The following PLEKHG5 variants were observed in gnomAD, a reference collection of about 807,000 sequenced individuals.
The protein encoded by PLEKHG5 is pleckstrin homology domain-containing family G member 5.
Under a neutral mutation model 103.8 loss-of-function variants are expected in PLEKHG5, and 52 were observed. The ratio of observed to expected loss-of-function variants is 0.50; its 90% CI spans 0.40 to 0.63. The LOEUF (loss-of-function observed/expected upper bound fraction) is 0.63. Among genes scored for constraint, PLEKHG5 ranks in the 30% least tolerant of loss-of-function variants. PLEKHG5 has a pLI of 0.00. For synonymous variants in PLEKHG5, 592 were observed against 575.5 expected (o/e 1.03, Z -0.41); for missense variants, 1,205 against 1,347.6 (o/e 0.89, Z 1.66).
intron 1 of PLEKHG5, among the ~76,000 whole-genome samples, chr1:6,481,598 T>A (rs1225442158): frequency 6.7e-6 from 1 of 148,452 alleles, no homozygotes; most frequent in Non-Finnish European, 1.5e-5. Context: ...GCGCGGTGGC[T>A]CATGCCTGTA....
At chr1:6,474,379 C>T in intron 6 of PLEKHG5, 72 bp downstream of exon 6, 1 of 1,581,500 alleles carries the variant, frequency 6.3e-7, no homozygotes, top group South Asian at 1.1e-5. Context: ...GAACCTGAGC[C>T]TGGGAAGGGC....
chr1:6,495,848 G>A (rs534024546), upstream of PLEKHG5, among the ~76,000 whole-genome samples: 3 of 152,350 alleles, frequency 2.0e-5, no homozygotes, highest in Non-Finnish European at 2.9e-5. Flanking sequence ...CAGAGCTGCC[G>A]CAATCAGTGC....
Position 6,470,552 on chromosome 1 carries a change from A to G in PLEKHG5, c.1634T>C (p.Ile545Thr), listed in dbSNP as rs1644535866. 1 of 1,603,678 alleles carries G rather than the reference A, an allele frequency of 6.2e-7. No homozygotes were observed. Among genetic ancestry groups the G allele is most frequent in the African/African-American group, 1.3e-5 (1 of 74,740 alleles). ...GCTTTCCACCACCTCGTAGGCGTCG[A>G]TGCGGCTCACCACGGCCGCCAGCCG... ...RQRLAAVVSR[I>T]DAYEVVESSS... The change falls in exon 15 of 21, where the codon ATC (isoleucine) becomes ACC (threonine). Residue 545 changes from isoleucine to threonine, a missense_variant. Physicochemically the swap from Ile to Thr is moderately conservative, Grantham distance 89. Coordinates refer to ENST00000377728, the MANE Select transcript of PLEKHG5 (RefSeq NM_020631.6).
intron 1 of PLEKHG5, among the ~76,000 whole-genome samples, chr1:6,517,123 G>T (rs540031913): frequency 1.4e-5 from 2 of 139,170 alleles, no homozygotes; most frequent in East Asian, 2.0e-4. Context: ...GGTAGCTCAC[G>T]CCTGAGACCC....
chr1:6,517,262 G>A (rs1342315580), intron 1 of PLEKHG5, among the ~76,000 whole-genome samples: 6 of 147,234 alleles, frequency 4.1e-5, no homozygotes, highest in African/African-American at 1.0e-4. Context: ...AGCCGAGATC[G>A]CGCCACTGCA....
chr1:6,468,041 G>A lies in PLEKHG5; in HGVS notation c.2795C>T (p.Ala932Val). 1 of 1,559,316 alleles carries A rather than the reference G, an allele frequency of 6.4e-7. No homozygotes were observed. Among genetic ancestry groups the A allele is most frequent in the African/African-American group, 1.3e-5 (1 of 74,100 alleles). Residue 932 changes from alanine to valine, a missense_variant, in exon 20 of 21, where the codon GCC becomes GTC. By Grantham distance (64) the Ala-to-Val change is moderately conservative. Coordinates refer to ENST00000377728, the MANE Select transcript of PLEKHG5 (RefSeq NM_020631.6). ...CCCAGGACCGCTGCCAGGGCTAGGG[G>A]CCCCTCGGCAATCCCAGCTGGGCCC... Reference protein sequence around the residue: ...EAGPSWDCRGAPSPGSGPGLV... With the variant: ...EAGPSWDCRGVPSPGSGPGLV...
chr1:6,492,135 C>T (rs576413702), upstream of PLEKHG5, among the ~76,000 whole-genome samples: 37 of 152,292 alleles, frequency 2.4e-4, no homozygotes, highest in Admixed American at 7.8e-4. Context: ...CCCACCGCAG[C>T]GGGGGAGGCG....
At position 6,519,599 on chromosome 1, in the gene PLEKHG5, C is replaced by T. The variant is rs578017669; in HGVS notation, c.-319G>A. 1.8e-5 allele frequency: 18 copies of T among 986,376 alleles called. No homozygotes were observed. In the East Asian group the frequency reaches 2.1e-4, roughly 12 times the overall value. The allele number at this position is 986,376 out of a possible 1,614,324, so 61.1% of individuals were successfully genotyped here. Reference sequence around the variant, plus strand: ...CTCTCTAATCAGACACACAGGTCTCCGTCCTGCTTTGCCCAGTTGCCATCT... The same window carrying T: ...CTCTCTAATCAGACACACAGGTCTCTGTCCTGCTTTGCCCAGTTGCCATCT... On this transcript the variant is annotated 5_prime_UTR_variant, in exon 1 of 22. Transcript: ENST00000377740.
chr1:6,508,187 G>GGGT (rs376195213), intron 1 of PLEKHG5, among the ~76,000 whole-genome samples: 1 of 151,652 alleles, frequency 6.6e-6, no homozygotes, highest in African/African-American at 2.4e-5. Context: ...GTCACCTGGG[G>GGGT]CCCCACTCCC....
intron 1 of PLEKHG5, 65 bp from the exon 2 acceptor site, chr1:6,477,723 A>G: frequency 1.3e-6 from 2 of 1,547,800 alleles, no homozygotes; most frequent in Non-Finnish European, 8.6e-7. Context: ...ACCCCGGCCC[A>G]GCGCTGCAGG....
rs746581908 is a variant in PLEKHG5, at chr1:6,473,174, C to T, written c.796G>A (p.Glu266Lys). 2 of 1,613,810 alleles carry T rather than the reference C, an allele frequency of 1.2e-6. No homozygotes were observed. Among genetic ancestry groups the T allele is most frequent in the Non-Finnish European group, 8.5e-7 (1 of 1,180,000 alleles). ...TCCAGCTGCTCCATCTTGTCTACCT[C>T]CTGGAAAGATACCCTGGTCAGGGTC... ...SGPSTSAFGR[E>K]VDKMEQLEGK... is the part of the protein sequence containing the mutation. Residue 266 changes from glutamate to lysine, a missense_variant and splice_region_variant, in exon 9 of 21, where the codon GAG becomes AAG. Physicochemically the swap from Glu to Lys is moderately conservative, Grantham distance 56. Coordinates refer to ENST00000377728, the MANE Select transcript of PLEKHG5 (RefSeq NM_020631.6).
intron 1 of PLEKHG5, among the ~76,000 whole-genome samples, chr1:6,480,480 A>C (rs1260685055): frequency 6.7e-6 from 1 of 148,780 alleles, no homozygotes; most frequent in African/African-American, 2.5e-5. Context: ...GTGAGCCGAG[A>C]TCACACCACT....
intron 1 of PLEKHG5, among the ~76,000 whole-genome samples, chr1:6,508,921 G>A (rs74884944): frequency 0.029 from 4,440 of 152,326 alleles, 113 homozygotes; most frequent in East Asian, 0.071. Flanking sequence ...GAGCCCCAGA[G>A]CGGTACACAC....
Position 6,469,254 on chromosome 1 carries a change from T to C in PLEKHG5, c.2050-13A>G, listed in dbSNP as rs759767677. 2 of 1,613,972 alleles carry C rather than the reference T, an allele frequency of 1.2e-6. No individual in the cohort carries two copies. Among genetic ancestry groups the C allele is most frequent in the Non-Finnish European group, 1.7e-6 (2 of 1,180,002 alleles). The stretch of plus-strand genomic sequence containing the variant: ...GTTGCAGCTGGTTCTGCAGGCAAGG[T>C]TGGGGTACATGGGACAGAATGGGTT... On this transcript the variant is annotated splice_polypyrimidine_tract_variant and intron_variant, in intron 18 of 20. Coordinates refer to ENST00000377728, the MANE Select transcript of PLEKHG5 (RefSeq NM_020631.6).
At chr1:6,485,561 G>A (rs1645012556) in intron 1 of PLEKHG5, 2 of 1,034,300 alleles carry the variant, frequency 1.9e-6, no homozygotes, top group South Asian at 9.4e-5. Context: ...GGGAGGGCCG[G>A]GCCCGGAACA....
upstream of PLEKHG5, among the ~76,000 whole-genome samples, chr1:6,493,388 C>T (rs187362109): frequency 1.8e-4 from 28 of 152,326 alleles, no homozygotes; most frequent in Admixed American, 1.8e-3. Flanking sequence ...GAAGTCATCT[C>T]CTTCAAAACG....
chr1:6,516,541 C>T (rs187371076), intron 1 of PLEKHG5, among the ~76,000 whole-genome samples: 8 of 151,902 alleles, frequency 5.3e-5, no homozygotes, highest in Admixed American at 5.3e-4. Context: ...TCTGTAATCC[C>T]AGCTACTGGG....
chr1:6,495,650 T>C (rs957863239), upstream of PLEKHG5, among the ~76,000 whole-genome samples: 2 of 152,218 alleles, frequency 1.3e-5, no homozygotes, highest in Non-Finnish European at 2.9e-5. Context: ...CAGTGAGTCC[T>C]GGTGCCTGCG....
chr1:6,469,050 A>G lies in PLEKHG5; in HGVS notation c.2241T>C (p.Ser747=). 1 of 1,613,606 alleles carries G rather than the reference A, an allele frequency of 6.2e-7. No homozygotes were observed. The highest frequency in any genetic ancestry group is 8.5e-7 in the Non-Finnish European group (1 of 1,179,822). Residue 747 remains serine (S), a synonymous_variant, in exon 19 of 21, where the codon TCT becomes TCC. Coordinates refer to ENST00000377728, the MANE Select transcript of PLEKHG5 (RefSeq NM_020631.6). ...GTCATGAGCAGACGTACCAGTGCTG[A>G]GAGTCGGGGCTGCCGCTGCTTTTCC... ...IMRKSSGSPD[S]QHCASDGSTE...
Sources: allele counts gnomAD v4.1 joint callset (sites outside exome capture counted in the v4.1 genomes callset), GRCh38; gene constraint gnomAD v4.1.1; transcripts MANE v1.5; gene names NCBI Gene and HGNC (gene_info 2026-07-23, HGNC 2026-07-21).